Variants in ENPP3 observed in about 807,000 individuals in gnomAD.
ENPP3 encodes ectonucleotide pyrophosphatase/phosphodiesterase 3, also known as ectonucleotide pyrophosphatase/phosphodiesterase family member 3.
Under a neutral mutation model 117.8 loss-of-function variants are expected in ENPP3, and 104 were observed. The ratio of observed to expected loss-of-function variants is 0.88; its 90% confidence interval spans 0.75 to 1.04. The LOEUF is 1.04. Ranked by LOEUF, ENPP3 falls within the 50% of genes least tolerant of loss-of-function variation. The pLI, the probability that ENPP3 is intolerant of heterozygous loss-of-function variation, is 0.00. For missense variants in ENPP3, 1,026 were observed against 1,051.9 expected (o/e 0.98, Z 0.34); for synonymous variants, 380 against 349.9 (o/e 1.09, Z -0.96).
intron 7 of ENPP3, among the ~76,000 whole-genome samples, chr6:131,672,340 C>T (rs1272433634): frequency 6.6e-6 from 1 of 152,040 alleles, no homozygotes; most frequent in Non-Finnish European, 1.5e-5. Flanking sequence ...TTAAAATTGT[C>T]CCCTTGCATA....
At chr6:131,648,082 G>T (rs548607946) in intron 2 of ENPP3, among the ~76,000 whole-genome samples, 1 of 151,594 alleles carries the variant, frequency 6.6e-6, no homozygotes, top group Non-Finnish European at 1.5e-5. Flanking sequence ...TTTATACTAC[G>T]AACAACTGTA....
At chr6:131,692,951 A>G (rs2114450413) in intron 14 of ENPP3, among the ~76,000 whole-genome samples, 1 of 145,854 alleles carries the variant, frequency 6.9e-6, no homozygotes, top group Admixed American at 6.9e-5. Flanking sequence ...TATATATTAT[A>G]CACTATATAT....
rs369646709 is a variant in ENPP3, at chr6:131,652,887, G to A, written c.460G>A (p.Glu154Lys). The A allele has an allele frequency of 6.2e-7, 1 of 1,609,206 alleles. No homozygotes were observed. The highest frequency in any genetic ancestry group is 1.3e-5 in the African/African-American group (1 of 74,840). ...CACAGCCCAGCAGTCTCAGTGCCCAGAAGGGTGAGCATGACTGATACAGGG... is the reference window on the plus strand; with the variant it reads ...CACAGCCCAGCAGTCTCAGTGCCCAAAAGGGTGAGCATGACTGATACAGGG... ...CDTAQQSQCPEGFDLPPVILF... is the reference protein window; with the variant it reads ...CDTAQQSQCPKGFDLPPVILF... The change falls in exon 5 of 25, where the codon GAA becomes AAA. Residue 154 changes from glutamate (E) to lysine (K), a missense_variant. Coordinates refer to ENST00000357639, the MANE Select transcript of ENPP3 (RefSeq NM_005021.5).
intron 6 of ENPP3, among the ~76,000 whole-genome samples, chr6:131,668,959 C>T (rs2114368238): frequency 6.6e-6 from 1 of 152,326 alleles, no homozygotes; most frequent in South Asian, 2.1e-4. Context: ...GGTCTATAGT[C>T]AGCAGATGTG....
intron 21 of ENPP3, 124 bp downstream of exon 21, chr6:131,733,847 G>T (rs1780339569): frequency 3.1e-6 from 3 of 975,844 alleles, no homozygotes; most frequent in East Asian, 2.5e-5. Context: ...TGCCTGAGAG[G>T]CTTCCAGTGG....
chr6:131,738,206 G>A (rs183861320), intron 23 of ENPP3, 43 bp downstream of exon 23: 4 of 1,518,434 alleles, frequency 2.6e-6, no homozygotes, highest in Admixed American at 1.8e-5. Context: ...GGTCTCATGA[G>A]GGGAAATTCC....
intron 11 of ENPP3, among the ~76,000 whole-genome samples, chr6:131,678,993 C>CCTTG (rs1562446740): frequency 1.5e-4 from 15 of 97,966 alleles, no homozygotes; most frequent in East Asian, 1.5e-3. Context: ...TTCCTTCCTT[C>CCTTG]CTTCCTTGCT....
chr6:131,685,555 C>T, intron 13 of ENPP3, 60 bp downstream of exon 13: 1 of 1,535,700 alleles, frequency 6.5e-7, no homozygotes, highest in African/African-American at 1.4e-5. Context: ...TAACCATAGT[C>T]CACTAATTCT....
chr6:131,719,844 G>A (rs2114525341), intron 16 of ENPP3, among the ~76,000 whole-genome samples: 1 of 152,052 alleles, frequency 6.6e-6, no homozygotes, highest in African/African-American at 2.4e-5. Context: ...GGAACAGGAA[G>A]TTAGACTTCA....
At chr6:131,670,971 A>G (rs1343422103) in intron 6 of ENPP3, among the ~76,000 whole-genome samples, 2 of 152,162 alleles carry the variant, frequency 1.3e-5, no homozygotes, top group Non-Finnish European at 2.9e-5. Context: ...AGGTGTTTCA[A>G]CAAAGACCAT....
At chr6:131,726,708 A>C (rs1282822791) in intron 20 of ENPP3, among the ~76,000 whole-genome samples, 2 of 134,172 alleles carry the variant, frequency 1.5e-5, no homozygotes, top group Non-Finnish European at 3.0e-5. Flanking sequence ...CTAGACTTAC[A>C]TGGGACAAAT....
In ENPP3 at chr6:131,728,848, G is replaced by T. The variant is rs564542958; in HGVS notation, c.1953+2648G>T. On this transcript the variant is annotated intron_variant, in intron 20 of 24. Transcript: ENST00000357639. ...GAACAGCTGATTCAAAACCATTAAG[G>T]TTAGTCAGACCATACATAGATTTTG... is the stretch of plus-strand genomic sequence containing the variant. Among the ~76,000 whole-genome samples the T allele has an allele frequency of 9.2e-5, 14 of 152,310 alleles. No homozygotes were observed. In the East Asian group the frequency reaches 2.7e-3, roughly 29 times the overall value.
intron 12 of ENPP3, 84 bp downstream of exon 12, chr6:131,683,246 T>A (rs1047845351): frequency 3.9e-6 from 3 of 766,764 alleles, no homozygotes; most frequent in Admixed American, 5.1e-5. Context: ...AGTGATATTT[T>A]AAAATCTCTA....
Position 131,676,613 on chromosome 6 carries a change from A to G in ENPP3, c.873-123A>G. Reference sequence around the variant, plus strand: ...TGAATAATACTGAATACCTTCCAGTATTGTGATTATATAGGAACACAAAAT... The same window carrying G: ...TGAATAATACTGAATACCTTCCAGTGTTGTGATTATATAGGAACACAAAAT... On this transcript the variant is annotated intron_variant, in intron 9 of 24. Transcript: ENST00000357639. The G allele has an allele frequency of 4.6e-6, 3 of 657,408 alleles. No individual in the cohort carries two copies. In the Admixed American group the frequency reaches 6.9e-5, roughly 15 times the overall value. The allele number at this position is 657,408 out of a possible 1,614,324, so 40.7% of individuals were successfully genotyped here. A position where few individuals can be genotyped will look rare whatever the true frequency, so the allele number is the denominator to read the frequency against.
chr6:131,726,051 G>A lies in ENPP3; in HGVS notation c.1804G>A (p.Ala602Thr). 1 of 1,607,770 alleles carries A rather than the reference G, an allele frequency of 6.2e-7. No individual in the cohort carries two copies. Among genetic ancestry groups the A allele is most frequent in the East Asian group, 2.2e-5 (1 of 44,834 alleles). ...MLNLTQEEIT[A>T]TVKVNLPFGR... is the part of the protein sequence containing the mutation. Reference sequence around the variant, plus strand: ...TTATGTTATTTTAATTTTAGTAACAGCAACAGTGAAAGTAAATTTGCCATT... The same window carrying A: ...TTATGTTATTTTAATTTTAGTAACAACAACAGTGAAAGTAAATTTGCCATT... Residue 602 changes from alanine (A) to threonine (T), a missense_variant, in exon 20 of 25, where the codon GCA (alanine) becomes ACA (threonine). Ala to Thr is a moderately conservative substitution (Grantham distance 58). Transcript: ENST00000357639.
intron 14 of ENPP3, among the ~76,000 whole-genome samples, chr6:131,687,263 G>A (rs994310751): frequency 1.3e-5 from 2 of 152,210 alleles, no homozygotes; most frequent in African/African-American, 2.4e-5. Flanking sequence ...ACAAAAACAA[G>A]CAATTGGGAA....
chr6:131,638,463 T>G (rs1481146558), intron 1 of ENPP3: 4 of 451,928 alleles, frequency 8.9e-6, no homozygotes, highest in Non-Finnish European at 1.8e-5. Flanking sequence ...TCTCTCTCCT[T>G]TGGGATCTCA....
intron 5 of ENPP3, among the ~76,000 whole-genome samples, chr6:131,653,700 C>A (rs1394684455): frequency 6.6e-6 from 1 of 152,130 alleles, no homozygotes; most frequent in Non-Finnish European, 1.5e-5. Flanking sequence ...CTGTGAGCCA[C>A]CATGTCTGGC....
chr6:131,638,379 C>T (rs1043815335), intron 1 of ENPP3: 13 of 320,956 alleles, frequency 4.1e-5, no homozygotes, highest in African/African-American at 2.2e-4. Context: ...TCACTAAACC[C>T]TATCTAAGAT....
Sources: gnomAD v4.1 joint callset for allele counts (sites outside exome capture counted in the v4.1 genomes callset) on GRCh38, gnomAD v4.1.1 for gene constraint, MANE v1.5 for transcripts, NCBI Gene and HGNC (gene_info 2026-07-23, HGNC 2026-07-21) for gene names.